Variants in TFG observed in about 807,000 individuals in gnomAD.
TFG encodes the protein trafficking from ER to golgi regulator, also known as protein TFG.
A neutral mutation model predicts 51.4 loss-of-function variants in TFG; 22 were observed. The ratio of observed to expected loss-of-function variants is 0.43; its 90% CI spans 0.31 to 0.61. The LOEUF is 0.61. Among genes scored for constraint, TFG ranks in the 20% least tolerant of loss-of-function variants. TFG has a pLI of 0.12. For missense variants in TFG, 419 were observed against 487.7 expected (o/e 0.86, Z 1.33); for synonymous variants, 187 against 165.6 (o/e 1.13, Z -0.99).
intron 4 of TFG, among the ~76,000 whole-genome samples, chr3:100,730,470 C>T (rs998503339): frequency 3.3e-5 from 5 of 152,076 alleles, no homozygotes; most frequent in Non-Finnish European, 7.4e-5. Flanking sequence ...GTTATTGTGT[C>T]CTGTCTGACA....
intron 3 of TFG, among the ~76,000 whole-genome samples, chr3:100,722,529 C>T (rs1291883922): frequency 2.0e-5 from 3 of 152,082 alleles, no homozygotes; most frequent in Non-Finnish European, 2.9e-5. Context: ...TCAGAAGGCA[C>T]GGGGAGCCTT....
intron 2 of TFG, among the ~76,000 whole-genome samples, chr3:100,715,481 A>G (rs955541127): frequency 5.3e-5 from 8 of 152,230 alleles, no homozygotes; most frequent in African/African-American, 1.9e-4. Context: ...GCCACTTAGC[A>G]CAACTTATAC....
intron 3 of TFG, among the ~76,000 whole-genome samples, chr3:100,721,913 G>A (rs935689165): frequency 2.0e-5 from 3 of 152,260 alleles, no homozygotes; most frequent in Non-Finnish European, 4.4e-5. Context: ...CACTTTGGGA[G>A]GCCAAGGCGG....
chr3:100,728,911 G>A, intron 4 of TFG, 53 bp downstream of exon 4: 1 of 1,451,846 alleles, frequency 6.9e-7, no homozygotes, highest in Non-Finnish European at 9.1e-7. Flanking sequence ...TCTTTTTGGA[G>A]GTTTTAAAAA....
Position 100,748,596 on chromosome 3 carries a change from A to G in TFG, c.*65A>G, listed in dbSNP as rs1486084618. ...TGGCCTCCCAAAAGACTCCAGTACTATTTTAATTTGTATTGAAGAAGTTCA... is the reference window on the plus strand; with the variant it reads ...TGGCCTCCCAAAAGACTCCAGTACTGTTTTAATTTGTATTGAAGAAGTTCA... On this transcript the variant is annotated 3_prime_UTR_variant, in exon 8 of 8. Coordinates refer to ENST00000240851, the MANE Select transcript of TFG (RefSeq NM_006070.6). 2 of 1,458,824 alleles carry G rather than the reference A, an allele frequency of 1.4e-6. No homozygotes were observed. Among genetic ancestry groups the G allele is most frequent in the East Asian group, 2.3e-5 (1 of 43,076 alleles). The allele number at this position is 1,458,824 out of a possible 1,614,324, so 90.4% of individuals were successfully genotyped here. A position where few individuals can be genotyped will look rare whatever the true frequency, so the allele number is the denominator to read the frequency against.
In TFG at chr3:100,748,705, T is replaced by C. The variant is rs766088240; in HGVS notation, c.*174T>C. On this transcript the variant is annotated 3_prime_UTR_variant, in exon 8 of 8. Coordinates refer to ENST00000240851, the MANE Select transcript of TFG (RefSeq NM_006070.6). Reference sequence around the variant, plus strand: ...ATTTGCTGGAACACAAAGACCAAAATGAAAGTTTTTTCCTCCCTGCTTAAA... The same window carrying C: ...ATTTGCTGGAACACAAAGACCAAAACGAAAGTTTTTTCCTCCCTGCTTAAA... 4.0e-6 allele frequency: 3 copies of C among 751,554 alleles called. No individual in the cohort carries two copies. The highest frequency in any genetic ancestry group is 4.0e-4 in the Middle Eastern group (1 of 2,520). The allele number at this position is 751,554 out of a possible 1,614,324, so 46.6% of individuals were successfully genotyped here. A position where few individuals can be genotyped will look rare whatever the true frequency, so the allele number is the denominator to read the frequency against.
Position 100,713,885 on chromosome 3 carries a change from A to T in TFG, c.184+16A>T. On this transcript the variant is annotated intron_variant, in intron 2 of 7. Coordinates refer to ENST00000240851, the MANE Select transcript of TFG (RefSeq NM_006070.6). ...AAAGATGAAGGTAAGAGTGTTTTTA[A>T]AGCTATTTTTTAAAGTCTTTTTAAA... The T allele has an allele frequency of 7.1e-7, 1 of 1,415,352 alleles. No homozygotes were observed. Among genetic ancestry groups the T allele is most frequent in the Non-Finnish European group, 9.4e-7 (1 of 1,059,862 alleles). 87.7% of individuals were successfully genotyped at this position (1,415,352 alleles called of 1,614,324 possible).
intron 2 of TFG, among the ~76,000 whole-genome samples, chr3:100,715,190 G>T (rs2095042296): frequency 6.6e-6 from 1 of 152,174 alleles, no homozygotes; most frequent in South Asian, 2.1e-4. Context: ...AGATATAATA[G>T]AAATCTTAAA....
chr3:100,723,604 T>C lies in TFG; in HGVS notation c.268+3546T>C, dbSNP rs149450472. On this transcript the variant is annotated intron_variant, in intron 3 of 7. Coordinates refer to ENST00000240851, the MANE Select transcript of TFG (RefSeq NM_006070.6). ...GCTGGTTATTAACAGAATAGACTTA[T>C]ATAAAAACTTGAGTAGTAATAGTCA... 8.4e-3 allele frequency among the ~76,000 whole-genome samples: 1,282 copies of C among 152,300 alleles called. 22 individuals carry two copies. Among genetic ancestry groups the C allele is most frequent in the African/African-American group, 0.03 (1,228 of 41,574 alleles).
intron 2 of TFG, among the ~76,000 whole-genome samples, chr3:100,719,386 T>C (rs1002677796): frequency 1.3e-5 from 2 of 152,260 alleles, no homozygotes; most frequent in Non-Finnish European, 2.9e-5. Context: ...TAGCATTCTT[T>C]ATCCCTGAGA....
intron 5 of TFG, among the ~76,000 whole-genome samples, chr3:100,733,758 G>C (rs116891811): frequency 6.6e-6 from 1 of 152,120 alleles, no homozygotes; most frequent in South Asian, 2.1e-4. Context: ...TGTTATTGTT[G>C]ATCTAGCAGG....
chr3:100,726,496 TAATTA>T (rs1164000805), intron 3 of TFG, among the ~76,000 whole-genome samples: 1 of 152,246 alleles, frequency 6.6e-6, no homozygotes, highest in African/African-American at 2.4e-5. Flanking sequence ...AATATTAACT[TAATTA>T]ATTTAAACTT....
intron 7 of TFG, among the ~76,000 whole-genome samples, chr3:100,746,500 C>A (rs754467437): frequency 3.3e-5 from 5 of 151,896 alleles, no homozygotes; most frequent in Non-Finnish European, 5.9e-5. Flanking sequence ...GGCTAGATGT[C>A]CTATGTATTA....
intron 7 of TFG, chr3:100,747,541 A>G (rs1382438313): frequency 6.6e-6 from 1 of 152,472 alleles, no homozygotes; most frequent in Non-Finnish European, 1.5e-5. Flanking sequence ...ATGAATATAG[A>G]TGTTGCTTTT....
intron 3 of TFG, among the ~76,000 whole-genome samples, chr3:100,724,454 T>C (rs927599980): frequency 6.6e-6 from 1 of 152,178 alleles, no homozygotes; most frequent in African/African-American, 2.4e-5. Flanking sequence ...GTAAATTTAA[T>C]GTACTGTTTC....
chr3:100,731,626 A>G (rs1160961814), intron 4 of TFG, among the ~76,000 whole-genome samples: 1 of 152,152 alleles, frequency 6.6e-6, no homozygotes, highest in African/African-American at 2.4e-5. Flanking sequence ...GTACAATCTC[A>G]GCTCACTACA....
intron 2 of TFG, among the ~76,000 whole-genome samples, chr3:100,717,589 T>C (rs2095049767): frequency 6.6e-6 from 1 of 151,704 alleles, no homozygotes; most frequent in South Asian, 2.1e-4. Flanking sequence ...GTTTTTTTTT[T>C]TTTTTGTAGA....
upstream of TFG, chr3:100,709,377 A>C (rs1407170076): frequency 6.6e-6 from 1 of 152,546 alleles, no homozygotes; most frequent in East Asian, 1.9e-4. Flanking sequence ...TCTTCGGCCT[A>C]GGCAGCCGGG....
intron 5 of TFG, among the ~76,000 whole-genome samples, chr3:100,733,194 A>T (rs1349240664): frequency 6.6e-6 from 1 of 152,076 alleles, no homozygotes. Flanking sequence ...TAATTTCTTC[A>T]TTATTTTTTC....
Sources: allele counts gnomAD v4.1 joint callset (sites outside exome capture counted in the v4.1 genomes callset), GRCh38; gene constraint gnomAD v4.1.1; transcripts MANE v1.5; gene names NCBI Gene and HGNC (gene_info 2026-07-23, HGNC 2026-07-21).